Variants in MEGF11 observed in about 807,000 individuals in gnomAD.
MEGF11 encodes multiple EGF like domains 11.
In MEGF11, 126 loss-of-function variants were observed where a neutral mutation model predicts 146.6. The observed-to-expected ratio is 0.86, with a 90% confidence interval of 0.74 to 1.00. The LOEUF (loss-of-function observed/expected upper bound fraction) is 1.00, where lower values mean the gene tolerates loss of function less well. Ranked by LOEUF, MEGF11 falls within the 50% of genes least tolerant of loss-of-function variation. MEGF11 has a pLI of 0.00. For missense variants in MEGF11, 1,509 were observed against 1,521.2 expected, an observed-to-expected ratio of 0.99 and a Z score of 0.13; for synonymous variants, 532 against 583.4, an observed-to-expected ratio of 0.91 and a Z score of 1.27.
At chr15:66,067,148 T>G (rs9783681) in intron 5 of MEGF11, among the ~76,000 whole-genome samples, 76,945 of 152,054 alleles carry the variant, frequency 0.51, 20,986 homozygotes, top group Non-Finnish European at 0.58. Flanking sequence ...AAGTGCAGGA[T>G]GAATGAAAGC....
chr15:66,037,609 A>G, intron 5 of MEGF11, among the ~76,000 whole-genome samples: 1 of 152,140 alleles, frequency 6.6e-6, no homozygotes, highest in East Asian at 1.9e-4. Flanking sequence ...GGGTGGGGTG[A>G]GGGCAAGTGG....
intron 7 of MEGF11, among the ~76,000 whole-genome samples, chr15:65,977,247 G>C (rs1009932931): frequency 6.6e-6 from 1 of 151,594 alleles, no homozygotes; most frequent in African/African-American, 2.4e-5. Flanking sequence ...GGCCATGCCA[G>C]CTCTCCTGGA....
chr15:66,150,207 G>A (rs1316217973), intron 1 of MEGF11, among the ~76,000 whole-genome samples: 1 of 152,246 alleles, frequency 6.6e-6, no homozygotes, highest in Non-Finnish European at 1.5e-5. Flanking sequence ...CCACCCAGGG[G>A]AGAACGGCAG....
Position 66,119,133 on chromosome 15 carries a change from C to G in MEGF11, c.254G>C (p.Arg85Thr), listed in dbSNP as rs749067473. 3.2e-5 allele frequency: 50 copies of G among 1,551,454 alleles called. No homozygotes were observed. The highest frequency in any genetic ancestry group is 4.1e-5 in the Non-Finnish European group (47 of 1,147,012). ...ATAGTAGCCAGGGCAGCACTGGGAC[C>G]TCCGCCGGTACATGGTCCGGAGGCC... ...RRGLRTMYRR[R>T]SQCCPGYYES... The change falls in exon 4 of 26, where the codon AGG becomes ACG. Residue 85 changes from arginine to threonine, a missense_variant. Arg to Thr is a moderately conservative substitution (Grantham distance 71, BLOSUM62 -1). Transcript: ENST00000395614.
chr15:66,032,885 T>C (rs763801438), intron 5 of MEGF11, among the ~76,000 whole-genome samples: 1 of 152,032 alleles, frequency 6.6e-6, no homozygotes, highest in East Asian at 1.9e-4. Flanking sequence ...GTCGAGACCA[T>C]CCTGGCTAAC....
intron 5 of MEGF11, among the ~76,000 whole-genome samples, chr15:66,043,481 G>A (rs576356011): frequency 2.0e-5 from 3 of 152,368 alleles, no homozygotes; most frequent in African/African-American, 4.8e-5. Context: ...GAGGCCCTTC[G>A]CCTGTGTGTT....
intron 1 of MEGF11, among the ~76,000 whole-genome samples, chr15:66,249,253 G>A (rs1451034787): frequency 2.0e-5 from 3 of 151,774 alleles, no homozygotes; most frequent in Admixed American, 1.3e-4. Context: ...AATTCCTTAA[G>A]AACACACTGC....
intron 1 of MEGF11, among the ~76,000 whole-genome samples, chr15:66,251,173 C>A (rs2092364989): frequency 6.6e-6 from 1 of 152,226 alleles, no homozygotes; most frequent in South Asian, 2.1e-4. Flanking sequence ...AGGCCCAGTG[C>A]TCATTGGCCC....
chr15:65,964,158 G>A (rs1181549946), intron 9 of MEGF11, among the ~76,000 whole-genome samples: 3 of 152,212 alleles, frequency 2.0e-5, no homozygotes, highest in Admixed American at 6.5e-5. Flanking sequence ...CAGCTGGTGC[G>A]TGAAGCGGGC....
At chr15:66,187,614 C>T (rs1038878539) in intron 1 of MEGF11, among the ~76,000 whole-genome samples, 9 of 152,226 alleles carry the variant, frequency 5.9e-5, no homozygotes, top group Admixed American at 5.2e-4. Flanking sequence ...ACGCAAAGCA[C>T]GGTCTCTCCT....
chr15:66,039,823 G>T (rs1201432395), intron 5 of MEGF11, among the ~76,000 whole-genome samples: 3 of 44,210 alleles, frequency 6.8e-5, no homozygotes, highest in Non-Finnish European at 8.7e-5. Context: ...TCCTGAGCCG[G>T]GTCAGGCGGC....
At chr15:66,075,538 C>T (rs376442798) in intron 5 of MEGF11, among the ~76,000 whole-genome samples, 5 of 152,180 alleles carry the variant, frequency 3.3e-5, no homozygotes, top group African/African-American at 4.8e-5. Flanking sequence ...CCAAGCCTCT[C>T]GACTCTCACC....
At chr15:66,074,410 C>T (rs1470867734) in intron 5 of MEGF11, among the ~76,000 whole-genome samples, 1 of 152,204 alleles carries the variant, frequency 6.6e-6, no homozygotes, top group East Asian at 1.9e-4. Context: ...ACAATGTATC[C>T]ACTTCCCTCT....
chr15:66,158,454 T>C (rs1055241808), intron 1 of MEGF11, among the ~76,000 whole-genome samples: 2 of 152,254 alleles, frequency 1.3e-5, no homozygotes, highest in African/African-American at 2.4e-5. Context: ...CTCTGCCCCT[T>C]GGGCTGGGAA....
intron 1 of MEGF11, among the ~76,000 whole-genome samples, chr15:66,171,450 C>G (rs533653063): frequency 3.9e-4 from 60 of 152,214 alleles, no homozygotes; most frequent in African/African-American, 1.3e-3. Context: ...CTCTAAGATT[C>G]CAAGGACAGA....
chr15:66,198,976 G>A (rs551471276), intron 1 of MEGF11, among the ~76,000 whole-genome samples: 1 of 152,270 alleles, frequency 6.6e-6, no homozygotes, highest in South Asian at 2.1e-4. Context: ...GTAAGCCACT[G>A]GGTGTGACTC....
intron 9 of MEGF11, among the ~76,000 whole-genome samples, chr15:65,962,923 A>C (rs533823046): frequency 6.1e-4 from 93 of 152,314 alleles, no homozygotes; most frequent in Non-Finnish European, 1.1e-3. Context: ...TAAAGCAAAT[A>C]ATCATCAATA....
chr15:66,115,249 G>A (rs2087665891), intron 4 of MEGF11, among the ~76,000 whole-genome samples: 1 of 152,328 alleles, frequency 6.6e-6, no homozygotes, highest in Non-Finnish European at 1.5e-5. Flanking sequence ...GCCTCTGAGC[G>A]ATCTGGAGAG....
chr15:66,208,486 T>C (rs760297693), intron 1 of MEGF11, among the ~76,000 whole-genome samples: 1 of 152,178 alleles, frequency 6.6e-6, no homozygotes, highest in Non-Finnish European at 1.5e-5. Context: ...TATCAATAAT[T>C]ACATCAAATG....
Sources: allele counts gnomAD v4.1 joint callset (sites outside exome capture counted in the v4.1 genomes callset), GRCh38; gene constraint gnomAD v4.1.1; transcripts MANE v1.5; gene names NCBI Gene and HGNC (gene_info 2026-07-23, HGNC 2026-07-21).